Variants in ATP13A4 observed in about 807,000 individuals in gnomAD.
ATP13A4 encodes the protein ATPase 13A4.
ATP13A4 carries 114 observed loss-of-function variants against 142.5 expected under a neutral mutation model. The observed-to-expected ratio is 0.80, with a 90% CI of 0.69 to 0.93. ATP13A4 has a LOEUF of 0.93. Among genes scored for constraint, ATP13A4 ranks in the 40% least tolerant of loss-of-function variants. The pLI, the probability that ATP13A4 is intolerant of heterozygous loss-of-function variation, is 0.00. For synonymous variants in ATP13A4, 488 were observed against 514.8 expected, an observed-to-expected ratio of 0.95 and a Z score of 0.70; for missense variants, 1,392 against 1,454.0, an observed-to-expected ratio of 0.96 and a Z score of 0.69.
At chr3:193,453,084 A>T (rs917010138) in intron 17 of ATP13A4, among the ~76,000 whole-genome samples, 1 of 152,176 alleles carries the variant, frequency 6.6e-6, no homozygotes, top group Non-Finnish European at 1.5e-5. Context: ...TGCAGCCTCA[A>T]TTATTCTATA....
intron 1 of ATP13A4, among the ~76,000 whole-genome samples, chr3:193,518,400 C>A (rs557914791): frequency 2.0e-5 from 3 of 152,230 alleles, no homozygotes; most frequent in Non-Finnish European, 2.9e-5. Flanking sequence ...TTAAAAACTG[C>A]TAGCATTTCA....
chr3:193,552,123 G>T (rs373283749), intron 1 of ATP13A4, among the ~76,000 whole-genome samples: 1 of 152,090 alleles, frequency 6.6e-6, no homozygotes, highest in Non-Finnish European at 1.5e-5. Context: ...ACAGGTGCAC[G>T]CCACCCTGCC....
At chr3:193,482,257 T>C (rs185622855) in intron 8 of ATP13A4, among the ~76,000 whole-genome samples, 78 of 151,896 alleles carry the variant, frequency 5.1e-4, no homozygotes, top group Admixed American at 3.2e-3. Context: ...AAGATGACCC[T>C]CAATCGAAAA....
intron 7 of ATP13A4, among the ~76,000 whole-genome samples, chr3:193,484,709 T>C (rs1391511157): frequency 6.6e-6 from 1 of 152,220 alleles, no homozygotes; most frequent in Non-Finnish European, 1.5e-5. Context: ...CTCATTCTTT[T>C]ACCCATTTGT....
chr3:193,568,226 G>A (rs1425300119), intron 2 of ATP13A4, among the ~76,000 whole-genome samples: 1 of 152,130 alleles, frequency 6.6e-6, no homozygotes, highest in South Asian at 2.1e-4. Context: ...CTCCCAAAGT[G>A]CTGGGATTAC....
At chr3:193,526,261 T>G (rs1721997360) in intron 1 of ATP13A4, among the ~76,000 whole-genome samples, 2 of 152,088 alleles carry the variant, frequency 1.3e-5, no homozygotes, top group South Asian at 4.1e-4. Flanking sequence ...TGGAATACTA[T>G]GCAGCCATAA....
At chr3:193,581,393 C>T (rs7650353) in intron 2 of ATP13A4, among the ~76,000 whole-genome samples, 79,593 of 151,982 alleles carry the variant, frequency 0.52, 21,562 homozygotes, top group African/African-American at 0.66. Context: ...GGAAATACTG[C>T]CACCATGACT....
intron 1 of ATP13A4, chr3:193,553,881 C>T (rs959197135): frequency 2.0e-5 from 3 of 152,160 alleles, no homozygotes; most frequent in Admixed American, 6.5e-5. Context: ...TTGTTATTTA[C>T]ATATTAATTC....
chr3:193,554,564 T>C, intron 1 of ATP13A4, 176 bp downstream of exon 1: 1 of 757,666 alleles, frequency 1.3e-6, no homozygotes, highest in South Asian at 1.6e-5. Context: ...AGGTTATATT[T>C]ACAGGATAGA....
intron 1 of ATP13A4, among the ~76,000 whole-genome samples, chr3:193,591,692 AAAAC>A (rs1674354818): frequency 6.6e-6 from 1 of 152,264 alleles, no homozygotes; most frequent in Admixed American, 6.5e-5. Context: ...GTAGAACTGC[AAAAC>A]AAGGGCTTCA....
intron 1 of ATP13A4, among the ~76,000 whole-genome samples, chr3:193,516,720 GC>G (rs1350950591): frequency 1.3e-5 from 2 of 151,982 alleles, no homozygotes; most frequent in African/African-American, 4.8e-5. Flanking sequence ...AGTCAGTTGA[GC>G]CCCCATGTAA....
At chr3:193,483,144 T>C (rs1453032265) in intron 8 of ATP13A4, among the ~76,000 whole-genome samples, 1 of 152,042 alleles carries the variant, frequency 6.6e-6, no homozygotes, top group Admixed American at 6.6e-5. Flanking sequence ...TAACCAAAAA[T>C]ATATTATAAA....
chr3:193,509,825 T>C (rs1367057795), intron 2 of ATP13A4, among the ~76,000 whole-genome samples: 1 of 152,116 alleles, frequency 6.6e-6, no homozygotes, highest in Non-Finnish European at 1.5e-5. Context: ...CTACATTTAC[T>C]TGAGAAAGAG....
chr3:193,465,087 G>T lies in ATP13A4; in HGVS notation c.1314C>A (p.Ile438=). The change falls in exon 12 of 30, where the codon ATC becomes ATA. Residue 438 remains isoleucine, a synonymous_variant. Coordinates refer to ENST00000342695, the MANE Select transcript of ATP13A4 (RefSeq NM_032279.4). ...EEVVRKALDV[I]TIAVPPALPA... is the part of the protein sequence containing the mutation. ...GTAGAGCCGGAGGAACCGCAATTGT[G>T]ATGACGTCAAGGGCTTTCCTCACCA... 1 of 1,614,118 alleles carries T rather than the reference G, an allele frequency of 6.2e-7. No homozygotes were observed. Among genetic ancestry groups the T allele is most frequent in the Non-Finnish European group, 8.5e-7 (1 of 1,180,018 alleles).
In ATP13A4 at chr3:193,502,547, G is replaced by C; in HGVS notation, c.327C>G (p.Leu109=). The part of the protein sequence containing the change: ...SAFGLTPDHP[L]MTDEEYIINR... Reference sequence around the variant, plus strand: ...TTATGATATACTCCTCATCTGTCATGAGAGGGTGGTCAGGAGTGAGACCAA... The same window carrying C: ...TTATGATATACTCCTCATCTGTCATCAGAGGGTGGTCAGGAGTGAGACCAA... Residue 109 remains leucine (L), a synonymous_variant, in exon 3 of 30, where the codon CTC becomes CTG. Transcript: ENST00000342695. 1 of 1,613,948 alleles carries C rather than the reference G, an allele frequency of 6.2e-7. No individual in the cohort carries two copies. Among genetic ancestry groups the C allele is most frequent in the Non-Finnish European group, 8.5e-7 (1 of 1,179,876 alleles).
chr3:193,515,040 G>A (rs944824475), intron 1 of ATP13A4, among the ~76,000 whole-genome samples, 169 bp from the exon 2 acceptor site: 4 of 152,180 alleles, frequency 2.6e-5, no homozygotes, highest in Non-Finnish European at 5.9e-5. Flanking sequence ...TGACAAAGAA[G>A]TGTAAGACAT....
intron 1 of ATP13A4, among the ~76,000 whole-genome samples, chr3:193,547,141 T>C (rs1723273572): frequency 1.3e-5 from 2 of 152,232 alleles, no homozygotes; most frequent in African/African-American, 4.8e-5. Context: ...AATTCTATCA[T>C]TTAAATATCT....
intron 17 of ATP13A4, among the ~76,000 whole-genome samples, chr3:193,451,506 T>A (rs1028778476): frequency 2.0e-5 from 3 of 152,208 alleles, no homozygotes; most frequent in African/African-American, 4.8e-5. Flanking sequence ...GCATTTAATC[T>A]GAACCAAAAA....
At chr3:193,491,307 G>C in intron 6 of ATP13A4, 22 bp downstream of exon 6, 8 of 1,558,124 alleles carry the variant, frequency 5.1e-6, no homozygotes, top group Non-Finnish European at 7.1e-6. Flanking sequence ...CCAACACCAA[G>C]AGAAAATGCT....
Sources: allele counts gnomAD v4.1 joint callset (sites outside exome capture counted in the v4.1 genomes callset), GRCh38; gene constraint gnomAD v4.1.1; transcripts MANE v1.5; gene names NCBI Gene and HGNC (gene_info 2026-07-23, HGNC 2026-07-21).